The following NTN5 variants were observed in gnomAD, a reference collection of about 807,000 sequenced individuals.
The protein encoded by NTN5 is netrin 5, also known as netrin-5.
A neutral mutation model predicts 38.7 loss-of-function variants in NTN5; 42 were observed. The ratio of observed to expected loss-of-function variants is 1.08; its 90% CI spans 0.85 to 1.40. The LOEUF (loss-of-function observed/expected upper bound fraction) is 1.40, where lower values mean the gene tolerates loss of function less well. NTN5 is among the 40% of genes most tolerant of loss of function. The pLI, the probability that NTN5 is intolerant of heterozygous loss-of-function variation, is 0.00. For synonymous variants in NTN5, 329 were observed against 303.9 expected (o/e 1.08, Z -0.86); for missense variants, 658 against 716.5 (o/e 0.92, Z 0.93).
intron 2 of NTN5, among the ~76,000 whole-genome samples, chr19:48,669,262 GACCATCATCACCACC>G (rs2031808546): frequency 2.9e-3 from 1 of 346 alleles, no homozygotes. Context: ...CCACCACCAC[GACCATCATCACCACC>G]ACCACCATCA....
rs147316573 is a variant in NTN5 at position 48,665,139 on chromosome 19, G to T, written c.632-372C>A. On this transcript the variant is annotated intron_variant, in intron 2 of 6. Coordinates refer to ENST00000270235, the MANE Select transcript of NTN5 (RefSeq NM_145807.4). ...GGGTTTCACCGTGTTAGCCAGGATG[G>T]TCTCACATCTTTTAAATGGGTAGGC... Among the ~76,000 whole-genome samples, 1,357 of 151,310 alleles carry T rather than the reference G, an allele frequency of 9.0e-3. 26 individuals are homozygous for T. The highest frequency in any genetic ancestry group is 0.031 in the African/African-American group (1,270 of 41,146).
At chr19:48,669,798 T>C (rs1214481771) in intron 2 of NTN5, among the ~76,000 whole-genome samples, 16 of 52,476 alleles carry the variant, frequency 3.0e-4, no homozygotes, top group Non-Finnish European at 4.3e-4. Flanking sequence ...ACCATCACCA[T>C]CACCACCATC....
At chr19:48,667,051 C>T (rs193289002) in intron 2 of NTN5, among the ~76,000 whole-genome samples, 13 of 152,122 alleles carry the variant, frequency 8.5e-5, no homozygotes, top group African/African-American at 2.4e-4. Context: ...ACAACTCCCC[C>T]TCTCCCAGCC....
chr19:48,668,964 A>G (rs2031776445), intron 2 of NTN5, among the ~76,000 whole-genome samples: 1 of 147,044 alleles, frequency 6.8e-6, no homozygotes, highest in Admixed American at 6.8e-5. Context: ...CATCACCACT[A>G]TCACCACCAT....
chr19:48,667,578 C>T (rs756361083), intron 2 of NTN5: 10 of 166,164 alleles, frequency 6.0e-5, no homozygotes, highest in Admixed American at 2.6e-4. Flanking sequence ...GGGCAGAGGC[C>T]GGGCGCGGTG....
In NTN5 at chr19:48,662,034, G is replaced by T. The variant is rs1442420798; in HGVS notation, c.1113C>A (p.Arg371=). 2.0e-6 allele frequency: 3 copies of T among 1,478,538 alleles called. No homozygotes were observed. Among genetic ancestry groups the T allele is most frequent in the Admixed American group, 4.8e-5 (2 of 41,644 alleles). The allele number at this position is 1,478,538 out of a possible 1,614,324, so 91.6% of individuals were successfully genotyped here. A position where few individuals can be genotyped will look rare whatever the true frequency, so the allele number is the denominator to read the frequency against. The change falls in exon 7 of 7, where the codon CGC becomes CGA. Residue 371 remains arginine, a synonymous_variant. Coordinates refer to ENST00000270235, the MANE Select transcript of NTN5 (RefSeq NM_145807.4). ...CCGCCTCGGACGCTAGCACCTGCGC[G>T]CGGAGAACTGTGGGGAGGGGAGATG... The part of the protein sequence containing the change: ...RRYCQQDHVL[R]AQVLASEAAG...
chr19:48,662,205 C>T (rs2031569520), intron 6 of NTN5, among the ~76,000 whole-genome samples, 164 bp from the exon 7 acceptor site: 1 of 152,028 alleles, frequency 6.6e-6, no homozygotes, highest in African/African-American at 2.4e-5. Context: ...GACCCTAAAT[C>T]GTGAGGGGTA....
chr19:48,670,486 G>A lies in NTN5; in HGVS notation c.501C>T (p.Ala167=), dbSNP rs757575912. ...GGCAGCGGGGGGGCCGGGCACGGGCGGCACAGCGGGCAGCGTGGCCATGAC... is the reference window on the plus strand; with the variant it reads ...GGCAGCGGGGGGGCCGGGCACGGGCAGCACAGCGGGCAGCGTGGCCATGAC... The part of the protein sequence containing the change: ...CQCHGHAARC[A]ARARPPRCHC... The change falls in exon 2 of 7, where the codon GCC becomes GCT. Residue 167 remains alanine (A), a synonymous_variant. Transcript: ENST00000270235. 2.8e-5 allele frequency: 42 copies of A among 1,474,680 alleles called. No individual in the cohort carries two copies. Among genetic ancestry groups the A allele is most frequent in the South Asian group, 2.2e-4 (16 of 71,564 alleles). 91.3% of individuals were successfully genotyped at this position (1,474,680 alleles called of 1,614,324 possible).
chr19:48,669,715 TCACCACCACCACCAC>T (rs1160000937), intron 2 of NTN5, among the ~76,000 whole-genome samples: 1 of 40,216 alleles, frequency 2.5e-5, no homozygotes, highest in Non-Finnish European at 5.0e-5. Context: ...ATCACCACCA[TCACCACCACCACCAC>T]CATCACCATC....
At chr19:48,666,517 C>A (rs1327855467) in intron 2 of NTN5, among the ~76,000 whole-genome samples, 2 of 151,626 alleles carry the variant, frequency 1.3e-5, no homozygotes, top group African/African-American at 4.9e-5. Context: ...GCCTGGGCAA[C>A]AGAGTGAGAC....
Position 48,664,166 on chromosome 19 carries a change from C to T in NTN5, c.947G>A (p.Arg316His), listed in dbSNP as rs138529881. The change falls in exon 4 of 7, where the codon CGC becomes CAC. Residue 316 changes from arginine to histidine, a missense_variant. Arg to His is a conservative substitution (Grantham distance 29). Coordinates refer to ENST00000270235, the MANE Select transcript of NTN5 (RefSeq NM_145807.4). ...ACGCTGGCAGGGCATCCTGGGGGAG[C>T]GGCTCTGCTGGTAGCCAGGGCCACA... The part of the protein sequence containing the change: ...NRCGPGYQQS[R>H]SPRMPCQRIP... The T allele has an allele frequency of 2.6e-5, 42 of 1,608,164 alleles. No homozygotes were observed. The highest frequency in any genetic ancestry group is 1.5e-4 in the Admixed American group (9 of 58,836).
chr19:48,669,880 TACCATC>T (rs2031890519), intron 2 of NTN5, among the ~76,000 whole-genome samples: 1 of 17,844 alleles, frequency 5.6e-5, no homozygotes, highest in African/African-American at 2.3e-4. Flanking sequence ...TCATCACCAC[TACCATC>T]ACCATCACCA....
chr19:48,665,171 C>T (rs111935524), intron 2 of NTN5, among the ~76,000 whole-genome samples: 6,433 of 151,756 alleles, frequency 0.042, 440 homozygotes, highest in African/African-American at 0.14. Flanking sequence ...AGGCCGGGCT[C>T]ATGCCTGTAA....
At chr19:48,668,227 C>T (rs1333506420) in intron 2 of NTN5, among the ~76,000 whole-genome samples, 1 of 152,144 alleles carries the variant, frequency 6.6e-6, no homozygotes, top group Non-Finnish European at 1.5e-5. Flanking sequence ...CCCTTGCTGG[C>T]AATGAGACTT....
At chr19:48,664,987 A>G (rs187622935) in intron 2 of NTN5, among the ~76,000 whole-genome samples, 1,687 of 151,662 alleles carry the variant, frequency 0.011, 12 homozygotes, top group Non-Finnish European at 0.019. Flanking sequence ...ACCTCAGCTC[A>G]CTGCAACCTC....
chr19:48,663,520 T>G lies in NTN5; in HGVS notation c.1048A>C (p.Asn350His), dbSNP rs570039276. 6.2e-7 allele frequency: 1 copy of G among 1,614,184 alleles called. No individual in the cohort carries two copies. Among genetic ancestry groups the G allele is most frequent in the Non-Finnish European group, 8.5e-7 (1 of 1,180,014 alleles). The change falls in exon 6 of 7, where the codon AAT becomes CAT. Residue 350 changes from asparagine to histidine, a missense_variant. Physicochemically the swap from Asn to His is moderately conservative, Grantham distance 68. Coordinates refer to ENST00000270235, the MANE Select transcript of NTN5 (RefSeq NM_145807.4). ...ATGTGTACCCTGGTGTCCGACATAT[T>G]GCAGTAGTTTTGACACTGAGGGTCT... ...SSDPQCQNYC[N>H]MSDTRVHMSL...
At position 48,661,866 on chromosome 19, in the gene NTN5, G is replaced by C; in HGVS notation, c.1281C>G (p.Thr427=). 2.2e-6 allele frequency: 3 copies of C among 1,342,458 alleles called. No homozygotes were observed. In the South Asian group the frequency reaches 4.8e-5, roughly 22 times the overall value. The allele number at this position is 1,342,458 out of a possible 1,614,324, so 83.2% of individuals were successfully genotyped here. The change falls in exon 7 of 7, where the codon ACC becomes ACG. Residue 427 remains threonine, a synonymous_variant. Transcript: ENST00000270235. ...TCGCLRLQPG[T]DYLLLGSAVG... ...CGGCGCTGCCCAGCAGCAGGTAGTC[G>C]GTGCCTGGCTGCAGGCGCAGGCAGC...
intron 4 of NTN5, 107 bp from the exon 5 acceptor site, chr19:48,663,921 G>C: frequency 8.1e-7 from 1 of 1,234,112 alleles, no homozygotes; most frequent in Non-Finnish European, 1.2e-6. Context: ...TATTCCTTTA[G>C]GACTCAAGAG....
intron 2 of NTN5, among the ~76,000 whole-genome samples, chr19:48,665,504 C>T (rs990634073): frequency 7.3e-5 from 11 of 150,538 alleles, no homozygotes; most frequent in Admixed American, 4.6e-4. Flanking sequence ...ACCTCCTGAA[C>T]ATCTGTGAAA....
Sources: gnomAD v4.1 joint callset for allele counts (sites outside exome capture counted in the v4.1 genomes callset) on GRCh38, gnomAD v4.1.1 for gene constraint, MANE v1.5 for transcripts, NCBI Gene and HGNC (gene_info 2026-07-23, HGNC 2026-07-21) for gene names.